The following CLTCL1 variants were observed in gnomAD, a reference collection of about 807,000 sequenced individuals.
The protein encoded by CLTCL1 is clathrin heavy chain like 1, also known as clathrin heavy chain 2.
A neutral mutation model predicts 190.0 loss-of-function variants in CLTCL1; 159 were observed. That is an observed-to-expected ratio of 0.84 (90% CI 0.74 to 0.95). CLTCL1 has a LOEUF of 0.95. Among genes scored for constraint, CLTCL1 ranks in the 40% least tolerant of loss-of-function variants. The probability of loss-of-function intolerance (pLI) is 0.00; values close to 1 mark genes in which losing one functional copy is unlikely to be tolerated. For synonymous variants in CLTCL1, 752 were observed against 769.6 expected (o/e 0.98, Z 0.38); for missense variants, 1,878 against 2,033.4 (o/e 0.92, Z 1.47).
intron 17 of CLTCL1, among the ~76,000 whole-genome samples, chr22:19,220,669 TG>T (rs546812315): frequency 7.2e-5 from 11 of 152,194 alleles, no homozygotes; most frequent in Non-Finnish European, 1.6e-4. Flanking sequence ...CTGAGCGGCG[TG>T]CACACGTGCT....
chr22:19,180,904 G>T, intron 30 of CLTCL1, 98 bp from the exon 31 acceptor site: 1 of 996,588 alleles, frequency 1.0e-6, no homozygotes, highest in Non-Finnish European at 1.6e-6. Context: ...GGGCCTCCAG[G>T]AGAATGACAG....
intron 1 of CLTCL1, among the ~76,000 whole-genome samples, chr22:19,285,117 T>C (rs1212733132): frequency 6.6e-6 from 1 of 151,682 alleles, no homozygotes; most frequent in African/African-American, 2.4e-5. Flanking sequence ...CTACTAAAAA[T>C]ATAAAAAATT....
intron 3 of CLTCL1, chr22:19,250,020 G>A (rs782015233): frequency 5.2e-5 from 15 of 289,828 alleles, no homozygotes; most frequent in East Asian, 1.7e-4. Context: ...TTGGGAGGCC[G>A]AGGTGGGCAG....
At position 19,219,915 on chromosome 22, in the gene CLTCL1, G is replaced by T; in HGVS notation, c.2889C>A (p.Thr963=). ...CAATTAGCTGTCTCCTGGATGGGTT[G>T]GTCTCCTCAAGGACGTGAGCCCAGA... ...PELWAHVLEE[T]NPSRRQLIDQ... The change falls in exon 18 of 33, where the codon ACC becomes ACA. Residue 963 remains threonine, a synonymous_variant. Transcript: ENST00000427926. The T allele has an allele frequency of 6.2e-7, 1 of 1,614,038 alleles. No homozygotes were observed. Among genetic ancestry groups the T allele is most frequent in the Non-Finnish European group, 8.5e-7 (1 of 1,179,906 alleles).
At chr22:19,285,534 T>C (rs1017750751) in intron 1 of CLTCL1, among the ~76,000 whole-genome samples, 1 of 152,236 alleles carries the variant, frequency 6.6e-6, no homozygotes, top group African/African-American at 2.4e-5. Flanking sequence ...CCCAGTTAAA[T>C]GTCAACTAGC....
intron 3 of CLTCL1, 31 bp from the exon 4 acceptor site, chr22:19,242,967 G>T (rs1207733143): frequency 1.3e-6 from 2 of 1,577,784 alleles, no homozygotes; most frequent in Admixed American, 3.5e-5. Flanking sequence ...ATGAAAGGGA[G>T]AGAAAAGAGA....
At chr22:19,195,530 C>T (rs529778009) in intron 26 of CLTCL1, among the ~76,000 whole-genome samples, 31 of 95,034 alleles carry the variant, frequency 3.3e-4, no homozygotes, top group Admixed American at 1.1e-3. Context: ...AGTCACAAGC[C>T]GACTGTGACA....
At chr22:19,207,612 C>T (rs1460295184) in intron 22 of CLTCL1, 11 of 413,456 alleles carry the variant, frequency 2.7e-5, no homozygotes, top group African/African-American at 1.8e-4. Context: ...TGGTCTGTGG[C>T]CTGTTAGGAA....
At chr22:19,208,728 C>T (rs2085127003) in intron 21 of CLTCL1, among the ~76,000 whole-genome samples, 194 bp downstream of exon 21, 1 of 151,706 alleles carries the variant, frequency 6.6e-6, no homozygotes, top group Non-Finnish European at 1.5e-5. Flanking sequence ...GGGCAATAGT[C>T]AACTAAAGAG....
chr22:19,234,460 G>A (rs2086014637), intron 7 of CLTCL1, 49 bp downstream of exon 7: 2 of 1,448,994 alleles, frequency 1.4e-6, no homozygotes, highest in Non-Finnish European at 1.9e-6. Flanking sequence ...TCCTCTCAAG[G>A]TTGGTTCTTA....
chr22:19,180,902 A>G (rs940845068), intron 30 of CLTCL1, 96 bp from the exon 31 acceptor site: 66 of 1,052,500 alleles, frequency 6.3e-5, no homozygotes, highest in Non-Finnish European at 9.6e-5. Flanking sequence ...CAGGGCCTCC[A>G]GGAGAATGAC....
Position 19,271,386 on chromosome 22 carries a change from G to A in CLTCL1, c.250+4237C>T, listed in dbSNP as rs535081418. Among the ~76,000 whole-genome samples the A allele has an allele frequency of 1.4e-4, 21 of 152,142 alleles. 1 individual carries two copies. In the South Asian group the frequency reaches 4.2e-3, roughly 30 times the overall value. ...TTCTCACGAGATCTGATGGGTATAAGTGTGTGTGTGGCTACTCTGGACACA... is the reference window on the plus strand; with the variant it reads ...TTCTCACGAGATCTGATGGGTATAAATGTGTGTGTGGCTACTCTGGACACA... On this transcript the variant is annotated intron_variant, in intron 2 of 32. Coordinates refer to ENST00000427926, the MANE Select transcript of CLTCL1 (RefSeq NM_007098.4).
intron 2 of CLTCL1, among the ~76,000 whole-genome samples, chr22:19,270,651 C>G (rs1337931630): frequency 7.0e-6 from 1 of 142,946 alleles, no homozygotes; most frequent in East Asian, 2.1e-4. Flanking sequence ...GGTGTGAACC[C>G]GGGAGGCAGA....
Position 19,199,854 on chromosome 22 carries a change from G to C in CLTCL1, c.3766-13C>G. 3.2e-6 allele frequency: 5 copies of C among 1,570,744 alleles called. No individual in the cohort carries two copies. Among genetic ancestry groups the C allele is most frequent in the Non-Finnish European group, 4.3e-6 (5 of 1,156,202 alleles). ...AGGCAAAGCACACCTAGGGGACGGAGGGCAAGCGTGAGGGTCCCCAAGACA... is the reference window on the plus strand; with the variant it reads ...AGGCAAAGCACACCTAGGGGACGGACGGCAAGCGTGAGGGTCCCCAAGACA... On this transcript the variant is annotated splice_polypyrimidine_tract_variant and intron_variant, in intron 23 of 32. Coordinates refer to ENST00000427926, the MANE Select transcript of CLTCL1 (RefSeq NM_007098.4).
intron 1 of CLTCL1, among the ~76,000 whole-genome samples, chr22:19,286,340 G>T (rs1555990120): frequency 1.3e-5 from 2 of 152,178 alleles, no homozygotes; most frequent in Non-Finnish European, 2.9e-5. Context: ...AAACAAGTCA[G>T]AAGGCAACTA....
rs1555952373 is a variant in CLTCL1, at chr22:19,221,529, T to C, written c.2644A>G (p.Ile882Val). 1 of 1,605,884 alleles carries C rather than the reference T, an allele frequency of 6.2e-7. No homozygotes were observed. Among genetic ancestry groups the C allele is most frequent in the Admixed American group, 1.7e-5 (1 of 58,798 alleles). ...GGGCTGTTGTTGCTGTCGATGTAGA[T>C]TTTAGCCAGTGCATTGTGAGTGGCA... is the stretch of plus-strand genomic sequence containing the variant. ...EPATHNALAK[I>V]YIDSNNSPEC... Residue 882 changes from isoleucine to valine, a missense_variant, in exon 17 of 33, where the codon ATC becomes GTC. Ile to Val is a conservative substitution (Grantham distance 29). Transcript: ENST00000427926.
chr22:19,183,126 T>G, intron 30 of CLTCL1: 4 of 461,190 alleles, frequency 8.7e-6, no homozygotes, highest in Non-Finnish European at 1.2e-5. Context: ...AGTGTGCACA[T>G]TGGGACAGCT....
intron 29 of CLTCL1, among the ~76,000 whole-genome samples, chr22:19,186,455 G>C (rs926336481): frequency 2.6e-5 from 4 of 152,106 alleles, no homozygotes; most frequent in Non-Finnish European, 5.9e-5. Flanking sequence ...ATGATACTAA[G>C]AAACCTCTCA....
intron 19 of CLTCL1, among the ~76,000 whole-genome samples, chr22:19,212,107 T>C (rs2085246045): frequency 6.6e-6 from 1 of 152,184 alleles, no homozygotes; most frequent in Non-Finnish European, 1.5e-5. Flanking sequence ...ATCACTTTCA[T>C]AGAATCAACA....
Sources: allele counts gnomAD v4.1 joint callset (sites outside exome capture counted in the v4.1 genomes callset), GRCh38; gene constraint gnomAD v4.1.1; transcripts MANE v1.5; gene names NCBI Gene and HGNC (gene_info 2026-07-23, HGNC 2026-07-21).